Variants in GSG1 observed in about 807,000 individuals in gnomAD.
The protein encoded by GSG1 is germ cell associated 1.
Under a neutral mutation model 30.8 loss-of-function variants are expected in GSG1, and 28 were observed. That is an observed-to-expected ratio of 0.91 (90% CI 0.67 to 1.25). GSG1 has a LOEUF of 1.25. Ranked by LOEUF, GSG1 falls within the 50% of genes most tolerant of loss-of-function variation. GSG1 has a pLI of 0.00. For synonymous variants in GSG1, 162 were observed against 178.0 expected (o/e 0.91, Z 0.71); for missense variants, 435 against 444.7 (o/e 0.98, Z 0.20).
At chr12:13,095,647 G>T (rs202213801) in intron 1 of GSG1, 2 of 1,614,150 alleles carry the variant, frequency 1.2e-6, no homozygotes, top group Non-Finnish European at 1.7e-6. Context: ...ACCGAAGGAT[G>T]CCATCTGCAC....
rs1863216376 is a variant in GSG1, at chr12:13,101,669, G to A, written c.48+1796C>T. On this transcript the variant is annotated intron_variant, in intron 1 of 6. Coordinates refer to ENST00000651961, the MANE Select transcript of GSG1 (RefSeq NM_001080555.4). The surrounding 1 kb of genome is among the most constrained non-coding windows in gnomAD (Gnocchi z 5.8). Reference sequence around the variant, plus strand: ...AGTCGGAGGGATTCCTTACACCCAGGCCGGTGGGCCAGGGCTCGGGATGTG... The same window carrying A: ...AGTCGGAGGGATTCCTTACACCCAGACCGGTGGGCCAGGGCTCGGGATGTG... Among the ~76,000 whole-genome samples the A allele has an allele frequency of 6.6e-6, 1 of 152,252 alleles. No individual in the cohort carries two copies.
In GSG1 at chr12:13,088,178, T is replaced by A. The variant is rs919768301; in HGVS notation, c.482-119A>T. The A allele has an allele frequency of 2.6e-5, 28 of 1,075,920 alleles. No individual in the cohort carries two copies. The African/African-American group carries it at 3.1e-4, about 12-fold the overall frequency. The allele number at this position is 1,075,920 out of a possible 1,614,324, so 66.6% of individuals were successfully genotyped here. ...CTAGCAGCATCTGAGAAGGGGAGAA[T>A]GAGGCACAGCTGAAACCAGGGAGGA... is the stretch of plus-strand genomic sequence containing the variant. On this transcript the variant is annotated intron_variant, in intron 4 of 6. Transcript: ENST00000651961.
rs1242313197 is a variant in GSG1, at chr12:13,090,516, A to G, written c.351T>C (p.Thr117=). ...AATGTAGGCTACCTGGTTCTTCCACAGTTTCCTCACAGGATAGCCACATGC... is the reference window on the plus strand; with the variant it reads ...AATGTAGGCTACCTGGTTCTTCCACGGTTTCCTCACAGGATAGCCACATGC... ...RSGMWLSCEE[T]VEEPALLHPQ... Residue 117 remains threonine (T), a synonymous_variant, in exon 2 of 7, where the codon ACT becomes ACC. Transcript: ENST00000651961. 1.2e-6 allele frequency: 2 copies of G among 1,608,870 alleles called. No individual in the cohort carries two copies. The highest frequency in any genetic ancestry group is 4.5e-5 in the East Asian group (2 of 44,732).
intron 1 of GSG1, among the ~76,000 whole-genome samples, chr12:13,094,045 C>T (rs986780741): frequency 1.4e-4 from 22 of 152,154 alleles, no homozygotes; most frequent in African/African-American, 5.1e-4. Flanking sequence ...TAAAGTAAAC[C>T]TTCTTGAGCT....
At chr12:13,098,961 A>T (rs1862951389) in intron 1 of GSG1, among the ~76,000 whole-genome samples, 1 of 152,088 alleles carries the variant, frequency 6.6e-6, no homozygotes, top group Non-Finnish European at 1.5e-5. Context: ...TTGTTACCTA[A>T]TTTACACTTG....
intron 4 of GSG1, 122 bp from the exon 5 acceptor site, chr12:13,088,181 G>A: frequency 9.7e-7 from 1 of 1,036,206 alleles, no homozygotes; most frequent in Non-Finnish European, 1.4e-6. Context: ...GGGAGAATGA[G>A]GCACAGCTGA....
At position 13,084,377 on chromosome 12, in the gene GSG1, A is replaced by G. The variant is rs929245314; in HGVS notation, c.*524T>C. 3 of 153,342 alleles carry G rather than the reference A, an allele frequency of 2.0e-5. No homozygotes were observed. Among genetic ancestry groups the G allele is most frequent in the African/African-American group, 7.2e-5 (3 of 41,514 alleles). The allele number at this position is 153,342 out of a possible 1,614,324, so 9.5% of individuals were successfully genotyped here. A position where few individuals can be genotyped will look rare whatever the true frequency, so the allele number is the denominator to read the frequency against. On this transcript the variant is annotated 3_prime_UTR_variant, in exon 7 of 7. Transcript: ENST00000651961. ...TTAATAACACTTTTACTGGGTACCTACTGTGTGGATGCAGGACACTGTCCC... is the reference window on the plus strand; with the variant it reads ...TTAATAACACTTTTACTGGGTACCTGCTGTGTGGATGCAGGACACTGTCCC...
At chr12:13,094,735 T>A (rs1866505483) in intron 1 of GSG1, among the ~76,000 whole-genome samples, 1 of 152,242 alleles carries the variant, frequency 6.6e-6, no homozygotes, top group African/African-American at 2.4e-5. Context: ...TTTTGTGACC[T>A]CAGCATTCAT....
rs199755415 is a variant in GSG1, at chr12:13,090,548, G to A, written c.319C>T (p.Arg107Trp). 13 of 1,614,102 alleles carry A rather than the reference G, an allele frequency of 8.1e-6. No homozygotes were observed. The highest frequency in any genetic ancestry group is 6.7e-5 in the Admixed American group (4 of 60,030). Residue 107 changes from arginine (R) to tryptophan (W), a missense_variant, in exon 2 of 7, where the codon CGG becomes TGG. By Grantham distance (101) the Arg-to-Trp change is moderately radical (BLOSUM62 -3). Transcript: ENST00000651961. ...GDDRFSFRSF[R>W]SGMWLSCEET... ...TCACAGGATAGCCACATGCCACTCCGGAAGCTCCGGAAGGAGAACCGGTCA... is the reference window on the plus strand; with the variant it reads ...TCACAGGATAGCCACATGCCACTCCAGAAGCTCCGGAAGGAGAACCGGTCA...
chr12:13,097,401 G>GTC (rs1866745564), intron 1 of GSG1, among the ~76,000 whole-genome samples: 1 of 151,708 alleles, frequency 6.6e-6, no homozygotes, highest in Non-Finnish European at 1.5e-5. Context: ...TAGAGACAGG[G>GTC]TCTCACTATG....
intron 6 of GSG1, 75 bp downstream of exon 6, chr12:13,087,077 A>T: frequency 1.1e-6 from 1 of 928,226 alleles, no homozygotes; most frequent in Non-Finnish European, 1.8e-6. Flanking sequence ...TCACCGAATA[A>T]GCATCTAGCT....
intron 1 of GSG1, among the ~76,000 whole-genome samples, chr12:13,094,098 T>A: frequency 6.6e-6 from 1 of 150,518 alleles, no homozygotes; most frequent in East Asian, 2.0e-4. Flanking sequence ...CACTTAAATC[T>A]GCTTATCTTA....
At chr12:13,086,502 G>A (rs1382928113) in intron 6 of GSG1, among the ~76,000 whole-genome samples, 1 of 152,192 alleles carries the variant, frequency 6.6e-6, no homozygotes, top group African/African-American at 2.4e-5. Flanking sequence ...AATAAAGAGT[G>A]CTCCTTAAGG....
rs1415105569 is a variant in GSG1 at position 13,088,024 on chromosome 12, A to T, written c.517T>A (p.Tyr173Asn). Residue 173 changes from tyrosine (Y) to asparagine (N), a missense_variant, in exon 5 of 7, where the codon TAC becomes AAC. Tyr to Asn is a moderately radical substitution (Grantham distance 143). Transcript: ENST00000651961. Reference protein sequence around the residue: ...LWLSLGTQITYIGLQFISFLL... With the variant: ...LWLSLGTQITNIGLQFISFLL... ...AAGCTGATGAATTGAAGTCCGATGTAGGTGATCTGCGTTCCCAGGGATAAC... is the reference window on the plus strand; with the variant it reads ...AAGCTGATGAATTGAAGTCCGATGTTGGTGATCTGCGTTCCCAGGGATAAC... 2 of 1,614,268 alleles carry T rather than the reference A, an allele frequency of 1.2e-6. No individual in the cohort carries two copies. The highest frequency in any genetic ancestry group is 8.5e-7 in the Non-Finnish European group (1 of 1,180,044).
At chr12:13,097,442 C>T (rs896317971) in intron 1 of GSG1, among the ~76,000 whole-genome samples, 1 of 152,074 alleles carries the variant, frequency 6.6e-6, no homozygotes, top group Non-Finnish European at 1.5e-5. Context: ...CTCCTGGGCT[C>T]AAGCAATCCT....
At position 13,088,843 on chromosome 12, in the gene GSG1, T is replaced by C. The variant is rs144770978; in HGVS notation, c.481+19A>G. 19 of 1,614,130 alleles carry C rather than the reference T, an allele frequency of 1.2e-5. No individual in the cohort carries two copies. In the African/African-American group the frequency reaches 1.9e-4, roughly 16 times the overall value. On this transcript the variant is annotated intron_variant, in intron 4 of 6. Coordinates refer to ENST00000651961, the MANE Select transcript of GSG1 (RefSeq NM_001080555.4). Reference sequence around the variant, plus strand: ...ACATGGGCCTTGCAACGTGGCAAATTCCAGTAGTCCTTTCTCACCTCTCTT... The same window carrying C: ...ACATGGGCCTTGCAACGTGGCAAATCCCAGTAGTCCTTTCTCACCTCTCTT...
intron 1 of GSG1, among the ~76,000 whole-genome samples, chr12:13,099,759 T>TTTTTTG (rs1565551307): frequency 1.3e-4 from 19 of 144,794 alleles, no homozygotes; most frequent in South Asian, 4.4e-4. Flanking sequence ...TGTTTTTTTT[T>TTTTTTG]TTTTTTTTTG....
Position 13,085,983 on chromosome 12 carries a change from T to C in GSG1, c.747-740A>G, listed in dbSNP as rs369817597. Among the ~76,000 whole-genome samples, 3 of 152,282 alleles carry C rather than the reference T, an allele frequency of 2.0e-5. No individual in the cohort carries two copies. In the East Asian group the frequency reaches 5.8e-4, roughly 29 times the overall value. The stretch of plus-strand genomic sequence containing the variant: ...CATTAGGCAACCATATTAAACACAT[T>C]CCTGAAAACTTGGAAAGTCAAATCC... On this transcript the variant is annotated intron_variant, in intron 6 of 6. Transcript: ENST00000651961.
rs1373368566 is a variant in GSG1 at position 13,084,467 on chromosome 12, T to G, written c.*434A>C. On this transcript the variant is annotated 3_prime_UTR_variant, in exon 7 of 7. Transcript: ENST00000651961. The stretch of plus-strand genomic sequence containing the variant: ...TCAGGGGCGCTTCTGTCTTCCCATC[T>G]GTGACTTCCAGAACAATTCGCGCGT... The G allele has an allele frequency of 6.2e-6, 1 of 162,540 alleles. No individual in the cohort carries two copies. The highest frequency in any genetic ancestry group is 1.4e-5 in the Non-Finnish European group (1 of 73,432). 10.1% of individuals were successfully genotyped at this position (162,540 alleles called of 1,614,324 possible). A position where few individuals can be genotyped will look rare whatever the true frequency, so the allele number is the denominator to read the frequency against.
Sources: gnomAD v4.1 joint callset for allele counts (sites outside exome capture counted in the v4.1 genomes callset) on GRCh38, gnomAD v4.1.1 for gene constraint, Gnocchi (gnomAD v3.1) non-coding constraint, MANE v1.5 for transcripts, NCBI Gene and HGNC (gene_info 2026-07-23, HGNC 2026-07-21) for gene names.